Variants in FBXL7 observed in about 807,000 individuals in gnomAD.
FBXL7 encodes F-box and leucine rich repeat protein 7.
In FBXL7, 12 loss-of-function variants were observed where a neutral mutation model predicts 38.3. The observed-to-expected ratio is 0.31, with a 90% CI of 0.20 to 0.51. The LOEUF is 0.51. FBXL7 is among the 20% of genes least tolerant of loss of function. FBXL7 has a pLI of 0.98. For missense variants in FBXL7, 567 were observed against 676.4 expected, an observed-to-expected ratio of 0.84 and a Z score of 1.79; for synonymous variants, 297 against 300.9, an observed-to-expected ratio of 0.99 and a Z score of 0.13.
chr5:15,818,803 A>G (rs1361890213), intron 2 of FBXL7, among the ~76,000 whole-genome samples: 1 of 151,540 alleles, frequency 6.6e-6, no homozygotes. Context: ...AATGAAGAAG[A>G]ACATATTAGT....
intron 2 of FBXL7, among the ~76,000 whole-genome samples, chr5:15,659,621 C>T (rs1741994966): frequency 6.6e-6 from 1 of 152,144 alleles, no homozygotes; most frequent in African/African-American, 2.4e-5. Context: ...TATCACAGCC[C>T]TCTCTGGAAT....
chr5:15,886,626 G>GCC (rs1411637918), intron 2 of FBXL7, among the ~76,000 whole-genome samples: 1 of 152,124 alleles, frequency 6.6e-6, no homozygotes, highest in Non-Finnish European at 1.5e-5. Context: ...CCTGAGGCTG[G>GCC]TTTATGGATG....
chr5:15,660,876 C>G (rs1376588256), intron 2 of FBXL7, among the ~76,000 whole-genome samples: 1 of 152,080 alleles, frequency 6.6e-6, no homozygotes, highest in African/African-American at 2.4e-5. Context: ...ACCACGTGGC[C>G]CATTTTGTAG....
intron 2 of FBXL7, among the ~76,000 whole-genome samples, chr5:15,741,699 A>G (rs966295588): frequency 1.3e-5 from 2 of 152,232 alleles, no homozygotes; most frequent in African/African-American, 2.4e-5. Context: ...AAGGAAGGAA[A>G]ATATCGTATA....
chr5:15,865,630 T>C (rs1358240328), intron 2 of FBXL7, among the ~76,000 whole-genome samples: 1 of 152,074 alleles, frequency 6.6e-6, no homozygotes, highest in Non-Finnish European at 1.5e-5. Context: ...GCTTACTCCG[T>C]TCTTGGTCTC....
At chr5:15,717,945 G>A (rs572164775) in intron 2 of FBXL7, among the ~76,000 whole-genome samples, 23 of 72,336 alleles carry the variant, frequency 3.2e-4, no homozygotes, top group African/African-American at 8.3e-4. Flanking sequence ...ATTTAAACAT[G>A]GACTCTATCT....
At chr5:15,897,961 A>G (rs1300724738) in intron 2 of FBXL7, among the ~76,000 whole-genome samples, 1 of 152,252 alleles carries the variant, frequency 6.6e-6, no homozygotes, top group African/African-American at 2.4e-5. Context: ...TGTGACTCCT[A>G]CAAATAATGA....
intron 2 of FBXL7, among the ~76,000 whole-genome samples, chr5:15,851,993 C>G (rs191958804): frequency 1.3e-3 from 195 of 152,160 alleles, no homozygotes; most frequent in African/African-American, 4.0e-3. Flanking sequence ...CACAAACCTC[C>G]AAGCAGGAAC....
rs61608325 is a variant in FBXL7, at chr5:15,611,311, CTTTT to C, written c.38-4658_38-4655del. ...TCTTTTTGGGGTCCATGTTTTGCCA[CTTTT>C]TTTTTTTTTTTTTGCTTTTTGTACT... is the stretch of plus-strand genomic sequence containing the variant. On this transcript the variant is annotated intron_variant, in intron 1 of 3. Coordinates refer to ENST00000504595, the MANE Select transcript of FBXL7 (RefSeq NM_012304.5). Among the ~76,000 whole-genome samples the C allele has an allele frequency of 7.0e-5, 9 of 128,172 alleles. No individual in the cohort carries two copies. In the South Asian group the frequency reaches 1.8e-3, roughly 25 times the overall value. 84.1% of individuals were successfully genotyped at this position (128,172 alleles called of 152,430 possible). A position where few individuals can be genotyped will look rare whatever the true frequency, so the allele number is the denominator to read the frequency against.
intron 2 of FBXL7, among the ~76,000 whole-genome samples, chr5:15,698,848 T>C (rs942743185): frequency 1.3e-5 from 2 of 152,222 alleles, no homozygotes; most frequent in Non-Finnish European, 2.9e-5. Flanking sequence ...AACCCTATTC[T>C]TTTAGACAAG....
At chr5:15,712,800 A>G (rs901013730) in intron 2 of FBXL7, among the ~76,000 whole-genome samples, 1 of 152,182 alleles carries the variant, frequency 6.6e-6, no homozygotes, top group Non-Finnish European at 1.5e-5. Flanking sequence ...GTGGAAGGAC[A>G]GGTATTCCCT....
intron 2 of FBXL7, among the ~76,000 whole-genome samples, chr5:15,648,464 A>T (rs576901793): frequency 4.9e-4 from 74 of 152,336 alleles, no homozygotes; most frequent in African/African-American, 1.6e-3. Context: ...TCCCAGTAGC[A>T]TAACATGGCT....
chr5:15,803,217 C>T (rs1045159080), intron 2 of FBXL7, among the ~76,000 whole-genome samples: 4 of 152,080 alleles, frequency 2.6e-5, no homozygotes, highest in Admixed American at 6.6e-5. Context: ...ATAAGTATAA[C>T]CTTGACCCCC....
chr5:15,803,174 G>C (rs765526903), intron 2 of FBXL7, among the ~76,000 whole-genome samples: 1 of 152,116 alleles, frequency 6.6e-6, no homozygotes, highest in Non-Finnish European at 1.5e-5. Context: ...AAAAATGTAA[G>C]TATTTGACCA....
intron 2 of FBXL7, among the ~76,000 whole-genome samples, chr5:15,656,200 A>C (rs1741876775): frequency 6.6e-6 from 1 of 152,234 alleles, no homozygotes; most frequent in Non-Finnish European, 1.5e-5. Context: ...CTAAAGCCTT[A>C]CGTGTTTAGG....
At chr5:15,868,696 G>A (rs1472301111) in intron 2 of FBXL7, among the ~76,000 whole-genome samples, 4 of 152,100 alleles carry the variant, frequency 2.6e-5, no homozygotes, top group Non-Finnish European at 5.9e-5. Flanking sequence ...CCCTCAGCCT[G>A]GAAGGATCTC....
At chr5:15,600,637 G>C (rs1739762400) in intron 1 of FBXL7, among the ~76,000 whole-genome samples, 1 of 152,166 alleles carries the variant, frequency 6.6e-6, no homozygotes, top group Non-Finnish European at 1.5e-5. Context: ...AACATAGCGG[G>C]ATCTTAAAAT....
At chr5:15,741,937 A>G (rs925574764) in intron 2 of FBXL7, among the ~76,000 whole-genome samples, 9 of 152,162 alleles carry the variant, frequency 5.9e-5, no homozygotes, top group African/African-American at 2.2e-4. Flanking sequence ...TCGGGTGGTT[A>G]CTGTTAGATT....
chr5:15,784,938 A>T (rs573972786), intron 2 of FBXL7, among the ~76,000 whole-genome samples: 1 of 152,190 alleles, frequency 6.6e-6, no homozygotes, highest in African/African-American at 2.4e-5. Flanking sequence ...ACGTGTGTGT[A>T]TGTGTTCATA....
Sources: gnomAD v4.1 joint callset for allele counts (sites outside exome capture counted in the v4.1 genomes callset) on GRCh38, gnomAD v4.1.1 for gene constraint, MANE v1.5 for transcripts, NCBI Gene and HGNC (gene_info 2026-07-23, HGNC 2026-07-21) for gene names.